ZNF407: variants seen among roughly 807,000 people sequenced by gnomAD.
ZNF407 encodes the protein zinc finger protein 407.
In ZNF407, 17 loss-of-function variants were observed where a neutral mutation model predicts 131.2. That is an observed-to-expected ratio of 0.13 (90% CI 0.09 to 0.19). The LOEUF (loss-of-function observed/expected upper bound fraction) is 0.19, where lower values mean the gene tolerates loss of function less well. Ranked by LOEUF, ZNF407 falls within the 10% of genes least tolerant of loss-of-function variation. The pLI is 1.00. For missense variants in ZNF407, 2,681 were observed against 2,830.6 expected, an observed-to-expected ratio of 0.95 and a Z score of 1.20; for synonymous variants, 1,156 against 1,062.0, an observed-to-expected ratio of 1.09 and a Z score of -1.72.
At chr18:74,748,911 C>T (rs1012693587) in intron 3 of ZNF407, among the ~76,000 whole-genome samples, 3 of 152,070 alleles carry the variant, frequency 2.0e-5, no homozygotes, top group African/African-American at 4.8e-5. Context: ...GAAAGTGCTC[C>T]CAGAAGCCAG....
In ZNF407 at chr18:75,048,868, G is replaced by A. The variant is rs1451356330; in HGVS notation, c.5429-14282G>A. 2.0e-5 allele frequency among the ~76,000 whole-genome samples: 3 copies of A among 152,142 alleles called. No individual in the cohort carries two copies. The highest frequency in any genetic ancestry group is 7.2e-5 in the African/African-American group (3 of 41,426). ...GGGAAGGGGCAGAAGGGGTGAGCAG[G>A]CAGTGTTCAGGCTGTAGGGCCACCA... On this transcript the variant is annotated intron_variant, in intron 8 of 8. Coordinates refer to ENST00000299687, the MANE Select transcript of ZNF407 (RefSeq NM_017757.3). The surrounding 1 kb of genome is among the most constrained non-coding windows in gnomAD (Gnocchi z 4.1).
intron 8 of ZNF407, among the ~76,000 whole-genome samples, chr18:74,982,707 A>G (rs1972607214): frequency 1.3e-5 from 2 of 152,238 alleles, no homozygotes; most frequent in African/African-American, 4.8e-5. Context: ...TAGATAGATA[A>G]AAATATTGTA....
At chr18:74,762,823 CT>C (rs1969127331) in intron 3 of ZNF407, among the ~76,000 whole-genome samples, 1 of 151,642 alleles carries the variant, frequency 6.6e-6, no homozygotes, top group African/African-American at 2.4e-5. Flanking sequence ...TTCTTTATCC[CT>C]TTGTTTATCC....
chr18:75,047,797 G>C (rs189082944), intron 8 of ZNF407, among the ~76,000 whole-genome samples: 72 of 152,340 alleles, frequency 4.7e-4, no homozygotes, highest in Admixed American at 2.8e-3. Flanking sequence ...TGGCAATTCT[G>C]CTTTGAGTTT....
intron 1 of ZNF407, among the ~76,000 whole-genome samples, chr18:74,615,869 G>GTT (rs1274840547): frequency 6.8e-6 from 1 of 146,208 alleles, no homozygotes; most frequent in Non-Finnish European, 1.5e-5. Flanking sequence ...TGTTGTTGTT[G>GTT]TTTTTTTTTT....
At chr18:74,672,904 A>T (rs565870641) in intron 3 of ZNF407, among the ~76,000 whole-genome samples, 1 of 152,270 alleles carries the variant, frequency 6.6e-6, no homozygotes, top group East Asian at 1.9e-4. Context: ...CCTCTGTTAG[A>T]TTATGGTATG....
At chr18:74,958,207 G>T (rs80208389) in intron 8 of ZNF407, among the ~76,000 whole-genome samples, 1 of 152,106 alleles carries the variant, frequency 6.6e-6, no homozygotes, top group Non-Finnish European at 1.5e-5. Context: ...AAGTGCCTGC[G>T]ATAAAACAGT....
At chr18:74,653,768 T>C (rs560498273) in intron 3 of ZNF407, among the ~76,000 whole-genome samples, 43 of 151,872 alleles carry the variant, frequency 2.8e-4, no homozygotes, top group Non-Finnish European at 2.1e-4. Flanking sequence ...TATCAAAAAC[T>C]AACGTAATTA....
In ZNF407 at chr18:74,635,391, A is replaced by G. The variant is rs1416677103; in HGVS notation, c.4372A>G (p.Asn1458Asp). 6.2e-7 allele frequency: 1 copy of G among 1,613,978 alleles called. No homozygotes were observed. The highest frequency in any genetic ancestry group is 8.5e-7 in the Non-Finnish European group (1 of 1,179,862). Residue 1458 changes from asparagine (N) to aspartate (D), a missense_variant, in exon 2 of 9, where the codon AAC (asparagine) becomes GAC (aspartate). Transcript: ENST00000299687. The surrounding 1 kb of genome is among the most constrained non-coding windows in gnomAD (Gnocchi z 4.7). ...LCGKSFYTES[N>D]LHQHLASAGH... The stretch of plus-strand genomic sequence containing the variant: ...TGGAAAGTCGTTCTATACCGAAAGC[A>G]ACCTTCACCAGCATCTGGCTAGTGC...
At chr18:74,988,911 A>G (rs1486057530) in intron 8 of ZNF407, among the ~76,000 whole-genome samples, 2 of 152,288 alleles carry the variant, frequency 1.3e-5, no homozygotes, top group African/African-American at 2.4e-5. Context: ...AAACAGTTTG[A>G]TAAGTTCTTA....
chr18:74,829,315 A>G (rs1001186421), intron 4 of ZNF407, among the ~76,000 whole-genome samples: 4 of 152,214 alleles, frequency 2.6e-5, no homozygotes, highest in African/African-American at 9.7e-5. Flanking sequence ...GGCATTCAGT[A>G]AATGGTTAGT....
At chr18:74,676,522 C>T (rs1035109177) in intron 3 of ZNF407, among the ~76,000 whole-genome samples, 30 of 151,700 alleles carry the variant, frequency 2.0e-4, no homozygotes, top group African/African-American at 3.1e-4. Context: ...CTGCAAGCTC[C>T]GCCTCCCGGG....
At chr18:74,980,856 G>A (rs773826680) in intron 8 of ZNF407, among the ~76,000 whole-genome samples, 14 of 152,270 alleles carry the variant, frequency 9.2e-5, no homozygotes, top group South Asian at 2.1e-4. Context: ...CACCGGCTCC[G>A]CTGCGGCCAC....
At chr18:74,928,775 C>G (rs115832779) in intron 8 of ZNF407, among the ~76,000 whole-genome samples, 1 of 152,080 alleles carries the variant, frequency 6.6e-6, no homozygotes, top group Non-Finnish European at 1.5e-5. Flanking sequence ...CCTGTCCCTC[C>G]GGCCTTCCCT....
chr18:74,881,943 C>T (rs779111107), intron 6 of ZNF407, among the ~76,000 whole-genome samples: 21 of 152,072 alleles, frequency 1.4e-4, no homozygotes, highest in Admixed American at 9.2e-4. Flanking sequence ...TCTTACATGG[C>T]GACAGACAAG....
chr18:74,971,430 T>C (rs1972471055), intron 8 of ZNF407, among the ~76,000 whole-genome samples: 2 of 152,220 alleles, frequency 1.3e-5, no homozygotes, highest in Admixed American at 1.3e-4. Context: ...TCAAGTCATC[T>C]CTTGAATGCT....
intron 3 of ZNF407, among the ~76,000 whole-genome samples, chr18:74,691,068 C>T (rs559040216): frequency 6.6e-6 from 1 of 152,264 alleles, no homozygotes; most frequent in Admixed American, 6.5e-5. Flanking sequence ...CACCTGAGGT[C>T]AGGAGTTCGA....
intron 4 of ZNF407, among the ~76,000 whole-genome samples, chr18:74,786,525 G>T (rs184214328): frequency 6.6e-6 from 1 of 150,986 alleles, no homozygotes; most frequent in East Asian, 1.9e-4. Flanking sequence ...GTGTTTATGG[G>T]CTTCTCTCCA....
chr18:74,664,977 A>T (rs969937918), intron 3 of ZNF407, among the ~76,000 whole-genome samples: 1 of 152,202 alleles, frequency 6.6e-6, no homozygotes, highest in Admixed American at 6.5e-5. Flanking sequence ...TCATGTAATT[A>T]TAAGATCCCA....
Sources: gnomAD v4.1 joint callset for allele counts (sites outside exome capture counted in the v4.1 genomes callset) on GRCh38, gnomAD v4.1.1 for gene constraint, Gnocchi (gnomAD v3.1) non-coding constraint, MANE v1.5 for transcripts, NCBI Gene and HGNC (gene_info 2026-07-23, HGNC 2026-07-21) for gene names.